The following CYP4Z1 variants were observed in gnomAD, a reference collection of about 807,000 sequenced individuals.
The protein encoded by CYP4Z1 is cytochrome P450 4Z1.
CYP4Z1 carries 41 observed loss-of-function variants against 54.2 expected under a neutral mutation model. The ratio of observed to expected loss-of-function variants is 0.76; its 90% CI spans 0.59 to 0.98. CYP4Z1 has a LOEUF of 0.98. CYP4Z1 is among the 50% of genes least tolerant of loss of function. CYP4Z1 has a pLI of 0.00. For missense variants in CYP4Z1, 513 were observed against 599.0 expected (o/e 0.86, Z 1.50); for synonymous variants, 163 against 206.2 (o/e 0.79, Z 1.79).
intron 8 of CYP4Z1, among the ~76,000 whole-genome samples, chr1:47,102,253 G>A (rs1287960629): frequency 6.6e-6 from 1 of 152,030 alleles, no homozygotes; most frequent in Non-Finnish European, 1.5e-5. Flanking sequence ...TACATTCAAG[G>A]TTATTACTGA....
chr1:47,117,690 T>C, intron 11 of CYP4Z1, 76 bp from the exon 12 acceptor site: 1 of 1,462,580 alleles, frequency 6.8e-7, no homozygotes, highest in South Asian at 1.5e-5. Context: ...AGTCGTCATA[T>C]ATAAAAAGAT....
intron 8 of CYP4Z1, 65 bp from the exon 9 acceptor site, chr1:47,106,063 G>A (rs1644754755): frequency 6.5e-7 from 1 of 1,540,632 alleles, no homozygotes; most frequent in South Asian, 1.3e-5. Context: ...GAGAAAAGCT[G>A]GGCTTTCAGT....
the CYP4Z1 span, among the ~76,000 whole-genome samples, chr1:47,058,577 C>A: frequency 6.6e-6 from 1 of 152,162 alleles, no homozygotes; most frequent in Non-Finnish European, 1.5e-5. Context: ...CAATCCTTGA[C>A]CCTAACACAA....
chr1:47,055,886 A>AT, the CYP4Z1 span, among the ~76,000 whole-genome samples: 616 of 152,000 alleles, frequency 4.1e-3, 2 homozygotes, highest in African/African-American at 0.014. Context: ...GGATTCATTG[A>AT]TTTTTTGAAG....
At chr1:47,057,341 T>A in the CYP4Z1 span, among the ~76,000 whole-genome samples, 5,261 of 13,332 alleles carry the variant, frequency 0.39, 684 homozygotes, top group East Asian at 0.51. Flanking sequence ...AAAAAATATA[T>A]ATATATATAT....
At chr1:47,100,315 G>A (rs1274205385) in intron 8 of CYP4Z1, among the ~76,000 whole-genome samples, 8 of 151,982 alleles carry the variant, frequency 5.3e-5, no homozygotes, top group African/African-American at 1.5e-4. Flanking sequence ...TTACAATAGC[G>A]CCCTCTTGTC....
intron 4 of CYP4Z1, among the ~76,000 whole-genome samples, chr1:47,082,675 T>C (rs1644563613): frequency 6.6e-6 from 1 of 151,804 alleles, no homozygotes; most frequent in African/African-American, 2.4e-5. Context: ...AGGTGCTCAA[T>C]GAGAAGTAGC....
chr1:47,095,409 C>T (rs1417119131), intron 7 of CYP4Z1, among the ~76,000 whole-genome samples: 8 of 152,130 alleles, frequency 5.3e-5, no homozygotes, highest in African/African-American at 1.7e-4. Context: ...GAGGTGTCCA[C>T]GTGATGTTCA....
Position 47,068,238 on chromosome 1 carries a change from A to C in CYP4Z1, c.178-384A>C, listed in dbSNP as rs752403261. ...CGGTTTACCTTGTGCCAGGAATTTT[A>C]TGTTTATAATTTCACTTAATTTTCA... On this transcript the variant is annotated intron_variant, in intron 1 of 11. Transcript: ENST00000334194. Among the ~76,000 whole-genome samples, 113 of 152,214 alleles carry C rather than the reference A, an allele frequency of 7.4e-4. 1 individual carries two copies. The highest frequency in any genetic ancestry group is 1.5e-3 in the Non-Finnish European group (99 of 68,034).
chr1:47,105,215 G>C (rs1644748522), intron 8 of CYP4Z1, among the ~76,000 whole-genome samples: 1 of 152,150 alleles, frequency 6.6e-6, no homozygotes, highest in Non-Finnish European at 1.5e-5. Context: ...CAGCAGCTGT[G>C]GTGGGGAATG....
the CYP4Z1 span, among the ~76,000 whole-genome samples, chr1:47,056,158 T>A: frequency 6.6e-6 from 1 of 152,354 alleles, no homozygotes; most frequent in Non-Finnish European, 1.5e-5. Context: ...TCTTTATTTC[T>A]GCCTTCATTT....
chr1:47,068,808 G>C lies in CYP4Z1; in HGVS notation c.319+45G>C, dbSNP rs1426249144. 1.9e-6 allele frequency: 3 copies of C among 1,591,652 alleles called. No individual in the cohort carries two copies. The East Asian group carries it at 6.7e-5, about 36-fold the overall frequency. On this transcript the variant is annotated intron_variant, in intron 2 of 11. Coordinates refer to ENST00000334194, the MANE Select transcript of CYP4Z1 (RefSeq NM_178134.3). ...CACAGTACAGAGCAGCAACAAAGAG[G>C]GTCTCAGGGTGTCTGTGGCACTAGG... is the stretch of plus-strand genomic sequence containing the variant.
At chr1:47,109,829 A>T (rs1385851413) in intron 9 of CYP4Z1, among the ~76,000 whole-genome samples, 1 of 151,478 alleles carries the variant, frequency 6.6e-6, no homozygotes, top group Admixed American at 6.6e-5. Flanking sequence ...CTTCACTGAC[A>T]TTGAGTTAGA....
chr1:47,117,865 C>G lies in CYP4Z1; in HGVS notation c.1449C>G (p.Pro483=), dbSNP rs773929573. The G allele has an allele frequency of 1.9e-5, 30 of 1,613,664 alleles. No homozygotes were observed. Among genetic ancestry groups the G allele is most frequent in the Non-Finnish European group, 2.5e-5 (30 of 1,179,804 alleles). Residue 483 remains proline (P), a synonymous_variant, in exon 12 of 12, where the codon CCC becomes CCG. Coordinates refer to ENST00000334194, the MANE Select transcript of CYP4Z1 (RefSeq NM_178134.3). ...FKLAPDHSRP[P]QPVRQVVLKS... is the part of the protein sequence containing the mutation. Reference sequence around the variant, plus strand: ...TGGCTCCAGACCACTCAAGGCCTCCCCAGCCTGTTCGTCAAGTTGTCCTCA... The same window carrying G: ...TGGCTCCAGACCACTCAAGGCCTCCGCAGCCTGTTCGTCAAGTTGTCCTCA...
intron 10 of CYP4Z1, among the ~76,000 whole-genome samples, chr1:47,116,043 G>A (rs1305716367): frequency 6.6e-6 from 1 of 152,080 alleles, no homozygotes; most frequent in Non-Finnish European, 1.5e-5. Context: ...TTCACACTCA[G>A]TGCTAACCTG....
Position 47,118,304 on chromosome 1 carries a change from A to C in CYP4Z1, c.*370A>C, listed in dbSNP as rs1644845801. 6.0e-6 allele frequency: 1 copy of C among 167,300 alleles called. No individual in the cohort carries two copies. The highest frequency in any genetic ancestry group is 5.9e-5 in the Admixed American group (1 of 17,080). 10.4% of individuals were successfully genotyped at this position (167,300 alleles called of 1,614,324 possible). The stretch of plus-strand genomic sequence containing the variant: ...ATTCTCAGTTATCTTTCCCCATAAT[A>C]AAAAATATCTGCCACCTTCTGAGTC... On this transcript the variant is annotated 3_prime_UTR_variant, in exon 12 of 12. Transcript: ENST00000334194.
chr1:47,111,922 T>C (rs1434258626), intron 9 of CYP4Z1, among the ~76,000 whole-genome samples: 1 of 152,172 alleles, frequency 6.6e-6, no homozygotes. Flanking sequence ...CCCTGAAAAC[T>C]CTACATATGA....
chr1:47,086,052 C>T (rs1399232269), intron 6 of CYP4Z1, among the ~76,000 whole-genome samples: 137 of 150,596 alleles, frequency 9.1e-4, no homozygotes, highest in Middle Eastern at 3.6e-3. Context: ...CATAGTATTC[C>T]ATGGTGTATA....
rs138638881 is a variant in CYP4Z1, at chr1:47,116,627, T to G, written c.1267-23T>G. On this transcript the variant is annotated intron_variant, in intron 10 of 11. Transcript: ENST00000334194. Reference sequence around the variant, plus strand: ...GGGGGTGGGCTGGAGGGATTAGGACTGGGATCTTCACTCTCATTACAGGTC... The same window carrying G: ...GGGGGTGGGCTGGAGGGATTAGGACGGGGATCTTCACTCTCATTACAGGTC... 77 of 1,533,018 alleles carry G rather than the reference T, an allele frequency of 5.0e-5. 5 individuals carry two copies. The South Asian group carries it at 8.5e-4, about 17-fold the overall frequency. The allele number at this position is 1,533,018 out of a possible 1,614,324, so 95.0% of individuals were successfully genotyped here.
Sources: allele counts gnomAD v4.1 joint callset (sites outside exome capture counted in the v4.1 genomes callset), GRCh38; gene constraint gnomAD v4.1.1; transcripts MANE v1.5; gene names NCBI Gene and HGNC (gene_info 2026-07-23, HGNC 2026-07-21).